TPRG1: variants seen among roughly 807,000 people sequenced by gnomAD.
TPRG1 encodes the protein tumor protein p63 regulated 1.
A neutral mutation model predicts 29.3 loss-of-function variants in TPRG1; 29 were observed. That is an observed-to-expected ratio of 0.99 (90% CI 0.74 to 1.35). The LOEUF (loss-of-function observed/expected upper bound fraction) is 1.35, where lower values mean the gene tolerates loss of function less well. TPRG1 is among the 40% of genes most tolerant of loss of function. The pLI, the probability that TPRG1 is intolerant of heterozygous loss-of-function variation, is 0.00. For missense variants in TPRG1, 327 were observed against 335.0 expected (o/e 0.98, Z 0.19); for synonymous variants, 130 against 116.8 (o/e 1.11, Z -0.73).
intron 4 of TPRG1, among the ~76,000 whole-genome samples, chr3:189,259,288 A>G (rs1712530650): frequency 6.6e-6 from 1 of 151,526 alleles, no homozygotes; most frequent in Non-Finnish European, 1.5e-5. Flanking sequence ...AGGTGAGGCG[A>G]CACCCCACCC....
chr3:189,207,118 C>A (rs764319274), intron 1 of TPRG1: 69 of 955,412 alleles, frequency 7.2e-5, no homozygotes, highest in Non-Finnish European at 8.2e-5. Context: ...AGGTTCCTGT[C>A]TCCTGGGATT....
chr3:189,162,119 A>T (rs1049028557), intron 5 of TPRG1, among the ~76,000 whole-genome samples: 15 of 152,000 alleles, frequency 9.9e-5, no homozygotes, highest in African/African-American at 3.4e-4. Context: ...CAGCCTCTCG[A>T]GTAGCTGGGA....
chr3:189,059,520 A>T (rs1295398332), intron 4 of TPRG1, among the ~76,000 whole-genome samples: 3 of 152,098 alleles, frequency 2.0e-5, no homozygotes, highest in Non-Finnish European at 4.4e-5. Flanking sequence ...TGAACCCAAG[A>T]GGTGGAGGTT....
chr3:189,291,748 G>A (rs1719037639), intron 4 of TPRG1, among the ~76,000 whole-genome samples: 1 of 152,140 alleles, frequency 6.6e-6, no homozygotes, highest in African/African-American at 2.4e-5. Context: ...AAAGAGCTTT[G>A]ACAAATATAT....
intron 2 of TPRG1, among the ~76,000 whole-genome samples, chr3:189,001,913 G>A (rs931072086): frequency 6.6e-6 from 1 of 152,204 alleles, no homozygotes; most frequent in Non-Finnish European, 1.5e-5. Context: ...TTATCAAAGT[G>A]TTTTTTAAAT....
chr3:189,019,644 T>C (rs963349693), intron 3 of TPRG1, among the ~76,000 whole-genome samples: 4 of 152,170 alleles, frequency 2.6e-5, no homozygotes, highest in African/African-American at 7.2e-5. Flanking sequence ...CAGTATTTTA[T>C]TGAGGATTTT....
intron 2 of TPRG1, among the ~76,000 whole-genome samples, chr3:189,130,049 G>T (rs1444239325): frequency 6.6e-6 from 1 of 152,144 alleles, no homozygotes. Context: ...TGATGACTAT[G>T]GCAATGATAA....
chr3:189,147,877 T>C (rs1023495093), intron 4 of TPRG1, among the ~76,000 whole-genome samples: 2 of 152,170 alleles, frequency 1.3e-5, no homozygotes, highest in Admixed American at 6.5e-5. Flanking sequence ...TCAGTGGATG[T>C]GGGTGGTCGT....
intron 4 of TPRG1, among the ~76,000 whole-genome samples, chr3:189,274,799 A>T (rs986287578): frequency 1.3e-5 from 2 of 152,168 alleles, no homozygotes; most frequent in Non-Finnish European, 2.9e-5. Flanking sequence ...ATTAATTTTG[A>T]TAACATTTAA....
chr3:189,189,304 A>T (rs1349860805), intron 1 of TPRG1, among the ~76,000 whole-genome samples: 2 of 152,058 alleles, frequency 1.3e-5, no homozygotes, highest in East Asian at 3.8e-4. Flanking sequence ...AATGCCATAG[A>T]TATCTTTCTA....
chr3:189,224,030 A>C (rs914475659), intron 3 of TPRG1, among the ~76,000 whole-genome samples: 2 of 152,224 alleles, frequency 1.3e-5, no homozygotes, highest in African/African-American at 2.4e-5. Flanking sequence ...AAAGACAGAC[A>C]TGTAAACAAA....
At position 189,274,737 on chromosome 3, in the gene TPRG1, C is replaced by G. The variant is rs1002924473; in HGVS notation, c.480-35649C>G. Among the ~76,000 whole-genome samples the G allele has an allele frequency of 1.1e-4, 16 of 152,206 alleles. No homozygotes were observed. In the East Asian group the frequency reaches 2.9e-3, roughly 27 times the overall value. ...ACTGAAAAAGGTGAGGCTTGTCCCTCAACTTGGAAATAGGTATTTCTTACC... is the reference window on the plus strand; with the variant it reads ...ACTGAAAAAGGTGAGGCTTGTCCCTGAACTTGGAAATAGGTATTTCTTACC... On this transcript the variant is annotated intron_variant, in intron 4 of 5. Transcript: ENST00000345063.
chr3:189,253,404 T>A (rs546954366), intron 4 of TPRG1, among the ~76,000 whole-genome samples: 1 of 152,352 alleles, frequency 6.6e-6, no homozygotes, highest in South Asian at 2.1e-4. Context: ...TCCAGCTTCA[T>A]CCATGTGCCT....
chr3:188,999,597 G>C (rs190411622), intron 1 of TPRG1, among the ~76,000 whole-genome samples: 6 of 152,158 alleles, frequency 3.9e-5, no homozygotes, highest in Admixed American at 3.9e-4. Context: ...AGGAGAATAA[G>C]TAATACACAC....
At chr3:189,309,265 G>A (rs1722114101) in intron 4 of TPRG1, among the ~76,000 whole-genome samples, 1 of 151,992 alleles carries the variant, frequency 6.6e-6, no homozygotes, top group South Asian at 2.1e-4. Context: ...GCATTTGTGT[G>A]AAATTGTGCT....
At chr3:189,284,047 G>A (rs16848811) in intron 4 of TPRG1, among the ~76,000 whole-genome samples, 12,733 of 152,128 alleles carry the variant, frequency 0.084, 1,374 homozygotes, top group African/African-American at 0.25. Flanking sequence ...TGAATGCACC[G>A]ATGCACCAAT....
intron 4 of TPRG1, among the ~76,000 whole-genome samples, chr3:189,283,265 A>G (rs1039454055): frequency 9.2e-5 from 14 of 152,242 alleles, no homozygotes; most frequent in African/African-American, 3.4e-4. Flanking sequence ...GCAGTGGTAC[A>G]TCTCAGATTT....
At position 189,138,866 on chromosome 3, in the gene TPRG1, A is replaced by G. The variant is rs1191175968; in HGVS notation, c.-291+6169A>G. 2.0e-5 allele frequency among the ~76,000 whole-genome samples: 3 copies of G among 152,172 alleles called. No homozygotes were observed. In the East Asian group the frequency reaches 5.8e-4, roughly 29 times the overall value. On this transcript the variant is annotated intron_variant, in intron 3 of 6. Coordinates refer to the TPRG1 transcript ENST00000412373. ...TAGCTTCCCTAGGGGACAAGCATGT[A>G]ATAAAGGGGTCAGGGAGGGCTCTAG...
chr3:189,219,730 C>G, intron 3 of TPRG1: 1 of 1,223,260 alleles, frequency 8.2e-7, no homozygotes, highest in South Asian at 1.5e-5. Context: ...CTTCCCTCCA[C>G]ACACGTTAGT....
Sources: gnomAD v4.1 joint callset for allele counts (sites outside exome capture counted in the v4.1 genomes callset) on GRCh38, gnomAD v4.1.1 for gene constraint, MANE v1.5 for transcripts, NCBI Gene and HGNC (gene_info 2026-07-23, HGNC 2026-07-21) for gene names.